The following DCLK2 variants were observed in gnomAD, a reference collection of about 807,000 sequenced individuals.
The protein encoded by DCLK2 is doublecortin like kinase 2.
A neutral mutation model predicts 78.4 loss-of-function variants in DCLK2; 31 were observed. That is an observed-to-expected ratio of 0.40 (90% CI 0.30 to 0.53). The LOEUF (loss-of-function observed/expected upper bound fraction) is 0.53. DCLK2 is among the 20% of genes least tolerant of loss of function. The probability of loss-of-function intolerance (pLI) is 0.61; values close to 1 mark genes in which losing one functional copy is unlikely to be tolerated. For missense variants in DCLK2, 872 were observed against 973.7 expected (o/e 0.90, Z 1.39); for synonymous variants, 407 against 374.9 (o/e 1.09, Z -0.99).
intron 2 of DCLK2, among the ~76,000 whole-genome samples, chr4:150,189,986 G>A (rs1263039067): frequency 7.4e-6 from 1 of 135,218 alleles, no homozygotes; most frequent in Non-Finnish European, 1.5e-5. Flanking sequence ...GTTGAGACTT[G>A]AACTCCTGGC....
chr4:150,184,574 C>G (rs1355018207), intron 2 of DCLK2, among the ~76,000 whole-genome samples: 1 of 146,310 alleles, frequency 6.8e-6, no homozygotes. Flanking sequence ...GGGTGTCAGT[C>G]TTGTGTTTCT....
rs777196662 is a variant in DCLK2 at position 150,232,840 on chromosome 4, C to A, written c.1566+12C>A. On this transcript the variant is annotated intron_variant, in intron 10 of 15. Coordinates refer to ENST00000296550, the MANE Select transcript of DCLK2 (RefSeq NM_001040260.4). Reference sequence around the variant, plus strand: ...CAGAGAATCTCTTGGTATGTCATCCCTGCTTTTTCTGTTCCAATGAATGCC... The same window carrying A: ...CAGAGAATCTCTTGGTATGTCATCCATGCTTTTTCTGTTCCAATGAATGCC... 5.6e-6 allele frequency: 9 copies of A among 1,605,652 alleles called. No homozygotes were observed. In the South Asian group the frequency reaches 6.7e-5, roughly 12 times the overall value.
Position 150,170,959 on chromosome 4 carries a change from T to C in DCLK2, c.757-22179T>C, listed in dbSNP as rs112519908. ...CTGAAAAAAAAAATTCTGCCCAGTT[T>C]CAGAAATTGCACTTTCGCTTCTGCA... On this transcript the variant is annotated intron_variant, in intron 2 of 15. Coordinates refer to ENST00000296550, the MANE Select transcript of DCLK2 (RefSeq NM_001040260.4). Among the ~76,000 whole-genome samples, 1,257 of 152,338 alleles carry C rather than the reference T, an allele frequency of 8.3e-3. 8 individuals are homozygous for C. The highest frequency in any genetic ancestry group is 0.013 in the Non-Finnish European group (856 of 68,030).
chr4:150,138,194 A>G (rs951327732), intron 2 of DCLK2, among the ~76,000 whole-genome samples: 4 of 152,260 alleles, frequency 2.6e-5, no homozygotes, highest in Non-Finnish European at 4.4e-5. Context: ...CTAAGAACAT[A>G]GAAAGTAAGC....
chr4:150,233,243 C>T (rs542794527), intron 10 of DCLK2, among the ~76,000 whole-genome samples: 1 of 152,180 alleles, frequency 6.6e-6, no homozygotes, highest in Non-Finnish European at 1.5e-5. Flanking sequence ...TTTAAACCAT[C>T]GTATGTTATG....
intron 1 of DCLK2, among the ~76,000 whole-genome samples, chr4:150,085,708 G>A (rs965241345): frequency 1.3e-5 from 2 of 152,154 alleles, no homozygotes; most frequent in South Asian, 2.1e-4. Context: ...GCCCCTTCTA[G>A]CATGTGAGGA....
intron 2 of DCLK2, among the ~76,000 whole-genome samples, chr4:150,135,509 C>G (rs1238213027): frequency 1.3e-5 from 2 of 152,142 alleles, no homozygotes; most frequent in African/African-American, 2.4e-5. Context: ...AGACCCATCA[C>G]CGTCTTCAAG....
rs1560857509 is a variant in DCLK2 at position 150,195,344 on chromosome 4, AATAT to A, written c.859+2105_859+2108del. The stretch of plus-strand genomic sequence containing the variant: ...ATATTATATATTATATATATTATAT[AATAT>A]TATATATTATATATATTATATAATA... On this transcript the variant is annotated intron_variant, in intron 3 of 15. Coordinates refer to ENST00000296550, the MANE Select transcript of DCLK2 (RefSeq NM_001040260.4). Among the ~76,000 whole-genome samples, 14 of 4,764 alleles carry A rather than the reference AATAT, an allele frequency of 2.9e-3. 7 individuals are homozygous for A. Among genetic ancestry groups the A allele is most frequent in the Non-Finnish European group, 6.8e-3 (14 of 2,046 alleles). 3.1% of individuals were successfully genotyped at this position (4,764 alleles called of 152,430 possible). A position where few individuals can be genotyped will look rare whatever the true frequency, so the allele number is the denominator to read the frequency against.
chr4:150,246,089 G>T (rs947092625), intron 12 of DCLK2, among the ~76,000 whole-genome samples: 1 of 151,164 alleles, frequency 6.6e-6, no homozygotes, highest in African/African-American at 2.4e-5. Context: ...CTGTTGCCCA[G>T]GCTGGAATGC....
chr4:150,139,043 A>T (rs1032362631), intron 2 of DCLK2, among the ~76,000 whole-genome samples: 4 of 151,656 alleles, frequency 2.6e-5, no homozygotes, highest in African/African-American at 9.7e-5. Context: ...ACATTGAAAA[A>T]TTTTTTTCAA....
At chr4:150,234,045 A>G (rs993157163) in intron 10 of DCLK2, among the ~76,000 whole-genome samples, 6 of 152,094 alleles carry the variant, frequency 3.9e-5, no homozygotes, top group Admixed American at 3.9e-4. Flanking sequence ...CTTCTACATC[A>G]TGTTAATCCA....
chr4:150,175,576 C>G (rs540794983), intron 2 of DCLK2: 1 of 152,114 alleles, frequency 6.6e-6, no homozygotes, highest in African/African-American at 2.4e-5. Flanking sequence ...TGAAGGAGCC[C>G]CTCTTTGGTC....
chr4:150,188,348 G>A (rs1738113615), intron 2 of DCLK2, among the ~76,000 whole-genome samples: 1 of 152,138 alleles, frequency 6.6e-6, no homozygotes, highest in African/African-American at 2.4e-5. Flanking sequence ...GGTGCCGCAT[G>A]CCTGTAGTCC....
At chr4:150,251,983 A>T (rs1358258104) in intron 15 of DCLK2, among the ~76,000 whole-genome samples, 1 of 151,916 alleles carries the variant, frequency 6.6e-6, no homozygotes, top group Non-Finnish European at 1.5e-5. Context: ...TTGCAAGCTG[A>T]GTCTTTTGAT....
chr4:150,234,033 G>A (rs1294617617), intron 10 of DCLK2, among the ~76,000 whole-genome samples: 1 of 152,100 alleles, frequency 6.6e-6, no homozygotes, highest in Admixed American at 6.5e-5. Flanking sequence ...GCTTATCTGA[G>A]TCTTCTACAT....
Position 150,252,882 on chromosome 4 carries a change from C to T in DCLK2, c.2074-3138C>T, listed in dbSNP as rs149107601. On this transcript the variant is annotated intron_variant, in intron 15 of 15. Transcript: ENST00000296550. Reference sequence around the variant, plus strand: ...GAACTGCTGATGTCATGATCCCATTCAGTACCTACAGGGAAATTCAATCAG... The same window carrying T: ...GAACTGCTGATGTCATGATCCCATTTAGTACCTACAGGGAAATTCAATCAG... Among the ~76,000 whole-genome samples the T allele has an allele frequency of 9.9e-3, 1,511 of 152,302 alleles. 24 individuals are homozygous for T. The highest frequency in any genetic ancestry group is 0.035 in the African/African-American group (1,437 of 41,556).
intron 12 of DCLK2, among the ~76,000 whole-genome samples, chr4:150,244,676 T>C (rs1417014075): frequency 1.3e-5 from 2 of 152,246 alleles, no homozygotes; most frequent in Non-Finnish European, 2.9e-5. Flanking sequence ...CCAGTGTGGA[T>C]TTAATCAGAA....
At chr4:150,184,785 TA>T (rs754929069) in intron 2 of DCLK2, among the ~76,000 whole-genome samples, 2 of 152,024 alleles carry the variant, frequency 1.3e-5, no homozygotes, top group Non-Finnish European at 2.9e-5. Context: ...GTATTTTTAG[TA>T]GAGACGGGGT....
intron 2 of DCLK2, among the ~76,000 whole-genome samples, chr4:150,176,047 C>T (rs762064307): frequency 3.3e-5 from 5 of 152,160 alleles, no homozygotes; most frequent in South Asian, 2.1e-4. Context: ...GAATTTATTG[C>T]GGAAGTAACA....
Sources: gnomAD v4.1 joint callset for allele counts (sites outside exome capture counted in the v4.1 genomes callset) on GRCh38, gnomAD v4.1.1 for gene constraint, MANE v1.5 for transcripts, NCBI Gene and HGNC (gene_info 2026-07-23, HGNC 2026-07-21) for gene names.